ZNF800: variants seen among roughly 807,000 people sequenced by gnomAD.
The protein encoded by ZNF800 is zinc finger protein 800.
Under a neutral mutation model 59.5 loss-of-function variants are expected in ZNF800, and 13 were observed. The ratio of observed to expected loss-of-function variants is 0.22; its 90% confidence interval spans 0.14 to 0.35. The LOEUF (loss-of-function observed/expected upper bound fraction) is 0.35. Among genes scored for constraint, ZNF800 ranks in the 10% least tolerant of loss-of-function variants. ZNF800 has a pLI of 1.00. For synonymous variants in ZNF800, 266 were observed against 265.7 expected, an observed-to-expected ratio of 1.00 and a Z score of -0.01; for missense variants, 621 against 783.7, an observed-to-expected ratio of 0.79 and a Z score of 2.48.
chr7:127,346,990 C>T (rs1247451558), exon 2 of ZNF800: 13 of 152,524 alleles, frequency 8.5e-5, no homozygotes, highest in Non-Finnish European at 1.3e-4. Context: ...GCTGTGCCCG[C>T]TCACTGACTG....
At chr7:127,388,108 T>C (rs995925203) in intron 2 of ZNF800, among the ~76,000 whole-genome samples, 6 of 152,062 alleles carry the variant, frequency 3.9e-5, no homozygotes, top group East Asian at 1.9e-4. Context: ...AGGTCTAAAA[T>C]GGAGATTTTC....
At chr7:127,386,295 T>C (rs1310046566) in intron 2 of ZNF800, 140 bp from the exon 3 acceptor site, 6 of 479,262 alleles carry the variant, frequency 1.3e-5, no homozygotes, top group Non-Finnish European at 2.2e-5. Context: ...CACGCATATA[T>C]AATATGTAGA....
intron 3 of ZNF800, among the ~76,000 whole-genome samples, chr7:127,380,265 C>A (rs1211629597): frequency 2.0e-5 from 3 of 152,064 alleles, no homozygotes; most frequent in African/African-American, 7.2e-5. Context: ...AGAAGATATT[C>A]TTGATGCTCA....
At chr7:127,391,456 C>A (rs1388106539) in intron 2 of ZNF800, 41 bp downstream of exon 2, 1 of 1,598,786 alleles carries the variant, frequency 6.3e-7, no homozygotes, top group Non-Finnish European at 8.6e-7. Context: ...CAGAGTGGCT[C>A]TGATGGAGGG....
chr7:127,383,474 T>C (rs942092735), intron 3 of ZNF800, among the ~76,000 whole-genome samples: 4 of 152,164 alleles, frequency 2.6e-5, no homozygotes, highest in African/African-American at 9.7e-5. Context: ...GACCTAATTG[T>C]AATGGAAAGA....
Position 127,377,681 on chromosome 7 carries a change from T to C in ZNF800, c.158-352A>G, listed in dbSNP as rs1244691223. On this transcript the variant is annotated intron_variant, in intron 3 of 5. Transcript: ENST00000265827. This position sits in a 1 kb window ranked among gnomAD's most constrained non-coding sequence, Gnocchi z 4.7. ...CCCTCCCCTAGAGGTTCAGATTTAA[T>C]AGATTTGGAGTAGGACAGAAAAATT... Among the ~76,000 whole-genome samples, 1 of 152,078 alleles carries C rather than the reference T, an allele frequency of 6.6e-6. No homozygotes were observed. The highest frequency in any genetic ancestry group is 1.5e-5 in the Non-Finnish European group (1 of 67,948).
In ZNF800 at chr7:127,374,116, T is replaced by G. The variant is rs1450173665; in HGVS notation, c.1220A>C (p.Lys407Thr). The G allele has an allele frequency of 1.9e-6, 3 of 1,613,760 alleles. No individual in the cohort carries two copies. The highest frequency in any genetic ancestry group is 2.7e-5 in the African/African-American group (2 of 74,862). The change falls in exon 5 of 6, where the codon AAA (lysine) becomes ACA (threonine). Residue 407 changes from lysine to threonine, a missense_variant. This residue lies in a region of ZNF800 where 185 missense variants were observed against 177.6 expected (regional missense o/e 1.04). Coordinates refer to ENST00000265827, the MANE Select transcript of ZNF800 (RefSeq NM_176814.5). Reference sequence around the variant, plus strand: ...AGAATCTGCTGGTTCAACTTTAACTTTTATTTCTGAACTGTTGGCAGTATT... The same window carrying G: ...AGAATCTGCTGGTTCAACTTTAACTGTTATTTCTGAACTGTTGGCAGTATT... ...PNNTANSSEI[K>T]VKVEPADSVE...
intron 1 of ZNF800, among the ~76,000 whole-genome samples, chr7:127,349,298 ATTAAT>A (rs1800128987): frequency 6.6e-6 from 1 of 152,240 alleles, no homozygotes; most frequent in Non-Finnish European, 1.5e-5. Flanking sequence ...CCAATCATAA[ATTAAT>A]TTAAAATTTT....
rs768848614 is a variant in ZNF800, at chr7:127,392,052, C to A, written c.-59+8G>T. 129 of 389,412 alleles carry A rather than the reference C, an allele frequency of 3.3e-4. 1 individual carries two copies. Among genetic ancestry groups the A allele is most frequent in the Non-Finnish European group, 5.1e-4 (112 of 220,274 alleles). 24.1% of individuals were successfully genotyped at this position (389,412 alleles called of 1,614,324 possible). A position where few individuals can be genotyped will look rare whatever the true frequency, so the allele number is the denominator to read the frequency against. On this transcript the variant is annotated splice_region_variant and intron_variant, in intron 1 of 5. Transcript: ENST00000265827. ...CCCCGTCCCCACAACCAAGTGCGCC[C>A]AACTTACTCAACTCTTAGGGCGGGC...
At position 127,392,070 on chromosome 7, in the gene ZNF800, G is replaced by GGGCGGGCC. The variant is rs995837318; in HGVS notation, c.-77_-70dup. ...GTGCGCCCAACTTACTCAACTCTTA[G>GGGCGGGCC]GGCGGGCCGGCGGGCGGGCGGAAGG... On this transcript the variant is annotated 5_prime_UTR_variant, in exon 1 of 6. Coordinates refer to ENST00000265827, the MANE Select transcript of ZNF800 (RefSeq NM_176814.5). 6.1e-5 allele frequency: 24 copies of GGGCGGGCC among 390,888 alleles called. No homozygotes were observed. Among genetic ancestry groups the GGGCGGGCC allele is most frequent in the Middle Eastern group, 1.3e-3 (2 of 1,554 alleles). 24.2% of individuals were successfully genotyped at this position (390,888 alleles called of 1,614,324 possible).
In ZNF800 at chr7:127,374,448, A is replaced by G. The variant is rs777835574; in HGVS notation, c.888T>C (p.Phe296=). ...GCCTCCTTACATTCGCTTTTGTAGC[A>G]AATGATTTACAACATACTGGACAAC... ...SRSCPVCCKS[F]ATKANVRRHF... Residue 296 remains phenylalanine (F), a synonymous_variant, in exon 5 of 6, where the codon TTT becomes TTC. Coordinates refer to ENST00000265827, the MANE Select transcript of ZNF800 (RefSeq NM_176814.5). 6 of 1,614,092 alleles carry G rather than the reference A, an allele frequency of 3.7e-6. No homozygotes were observed. In the African/African-American group the frequency reaches 8.0e-5, roughly 22 times the overall value.
chr7:127,373,641 A>T lies in ZNF800; in HGVS notation c.1695T>A (p.Ile565=). ...SLEIRAIKKP[I]DFVLNKVAKR... ...TTGCCACTTTATTTAGAACAAAATCAATAGGCTTTTTTATAGCTCTGATCT... is the reference window on the plus strand; with the variant it reads ...TTGCCACTTTATTTAGAACAAAATCTATAGGCTTTTTTATAGCTCTGATCT... Residue 565 remains isoleucine (I), a synonymous_variant, in exon 5 of 6, where the codon ATT becomes ATA. Transcript: ENST00000265827. 6.2e-7 allele frequency: 1 copy of T among 1,614,084 alleles called. No individual in the cohort carries two copies. Among genetic ancestry groups the T allele is most frequent in the Non-Finnish European group, 8.5e-7 (1 of 1,180,006 alleles).
At chr7:127,352,565 A>T (rs1387284358) in intron 1 of ZNF800, among the ~76,000 whole-genome samples, 1 of 152,206 alleles carries the variant, frequency 6.6e-6, no homozygotes, top group African/African-American at 2.4e-5. Context: ...AGCTGATTCA[A>T]TGCTCACCAA....
chr7:127,369,545 A>G (rs1013332988), downstream of ZNF800, among the ~76,000 whole-genome samples: 2 of 152,124 alleles, frequency 1.3e-5, no homozygotes, highest in African/African-American at 4.8e-5. Context: ...TGTTTGTTCT[A>G]CCTTTCTAAA....
In ZNF800 at chr7:127,375,029, G is replaced by A. The variant is rs62621812; in HGVS notation, c.307C>T (p.Pro103Ser). The A allele has an allele frequency of 0.02, 31,593 of 1,567,422 alleles. 400 individuals carry two copies. Among genetic ancestry groups the A allele is most frequent in the Non-Finnish European group, 0.023 (26,444 of 1,160,382 alleles). The change falls in exon 5 of 6, where the codon CCT becomes TCT. Residue 103 changes from proline (P) to serine (S), a missense_variant. Physicochemically the swap from Pro to Ser is moderately conservative, Grantham distance 74. Transcript: ENST00000265827. ...TGGCTTTGTTTATCATTTACATCAG[G>A]AAGGTCTGTTAAGGAAAAAACAACA... ...PPSLQMDDNLPDVNDKQSQAI... is the reference protein window; with the variant it reads ...PPSLQMDDNLSDVNDKQSQAI...
chr7:127,388,544 A>G (rs1345573846), intron 2 of ZNF800, among the ~76,000 whole-genome samples: 1 of 152,212 alleles, frequency 6.6e-6, no homozygotes, highest in Non-Finnish European at 1.5e-5. Context: ...TAAATAAGGG[A>G]AGGATATTGG....
At position 127,373,303 on chromosome 7, in the gene ZNF800, T is replaced by C. The variant is rs745538075; in HGVS notation, c.1994+39A>G. ...TCAAATGATTTTTTTTTTAGTTCGA[T>C]GGGGGGAAAAAAGCAAAACTCTGTT... is the stretch of plus-strand genomic sequence containing the variant. On this transcript the variant is annotated intron_variant, in intron 5 of 5. Transcript: ENST00000265827. 6 of 1,532,052 alleles carry C rather than the reference T, an allele frequency of 3.9e-6. No individual in the cohort carries two copies. In the African/African-American group the frequency reaches 5.6e-5, roughly 14 times the overall value. The allele number at this position is 1,532,052 out of a possible 1,614,324, so 94.9% of individuals were successfully genotyped here.
At position 127,373,694 on chromosome 7, in the gene ZNF800, A is replaced by G. The variant is rs1324633527; in HGVS notation, c.1642T>C (p.Tyr548His). The part of the protein sequence containing the change: ...ITVVHKKSSR[Y>H]LGKITASLEI... ...AAACTGGCTGTTATTTTCCCAAGAT[A>G]ACGAGATGACTTTTTATGAACCACA... is the stretch of plus-strand genomic sequence containing the variant. Residue 548 changes from tyrosine (Y) to histidine (H), a missense_variant, in exon 5 of 6, where the codon TAT (tyrosine) becomes CAT (histidine). Around this residue, in one of 7 missense-constraint regions of ZNF800, gnomAD observed 46 missense variants for 118.4 expected, o/e 0.39. Coordinates refer to ENST00000265827, the MANE Select transcript of ZNF800 (RefSeq NM_176814.5). The G allele has an allele frequency of 1.9e-6, 3 of 1,614,042 alleles. No individual in the cohort carries two copies. The highest frequency in any genetic ancestry group is 2.5e-6 in the Non-Finnish European group (3 of 1,180,022).
Position 127,377,156 on chromosome 7 carries a change from T to C in ZNF800, c.301+30A>G, listed in dbSNP as rs1800810134. 6.3e-7 allele frequency: 1 copy of C among 1,585,666 alleles called. No homozygotes were observed. The highest frequency in any genetic ancestry group is 1.4e-5 in the African/African-American group (1 of 73,482). ...AGTATAAGAATACTTAGCTGTAAAATGCATAACTGAGTATATGAATAAAAC... is the reference window on the plus strand; with the variant it reads ...AGTATAAGAATACTTAGCTGTAAAACGCATAACTGAGTATATGAATAAAAC... On this transcript the variant is annotated intron_variant, in intron 4 of 5. Transcript: ENST00000265827. The surrounding 1 kb of genome is among the most constrained non-coding windows in gnomAD (Gnocchi z 4.7).
Sources: allele counts gnomAD v4.1 joint callset (sites outside exome capture counted in the v4.1 genomes callset), GRCh38; gene constraint gnomAD v4.1.1; regional missense constraint gnomAD v4.1.1; non-coding constraint Gnocchi (gnomAD v3.1); transcripts MANE v1.5; gene names NCBI Gene and HGNC (gene_info 2026-07-23, HGNC 2026-07-21).